Variants in CDIN1 observed in about 807,000 individuals in gnomAD.
CDIN1 encodes CDAN1 interacting nuclease 1.
In CDIN1, 33 loss-of-function variants were observed where a neutral mutation model predicts 45.3. The observed-to-expected ratio is 0.73, with a 90% confidence interval of 0.55 to 0.97. The LOEUF (loss-of-function observed/expected upper bound fraction) is 0.97, where lower values mean the gene tolerates loss of function less well. CDIN1 is among the 50% of genes least tolerant of loss of function. The pLI, the probability that CDIN1 is intolerant of heterozygous loss-of-function variation, is 0.00. For synonymous variants in CDIN1, 118 were observed against 124.4 expected (o/e 0.95, Z 0.34); for missense variants, 303 against 339.4 (o/e 0.89, Z 0.84).
chr15:36,661,362 A>T (rs4924093), intron 5 of CDIN1, among the ~76,000 whole-genome samples: 1 of 151,994 alleles, frequency 6.6e-6, no homozygotes, highest in African/African-American at 2.4e-5. Context: ...CTAGCAGAGG[A>T]TATTACCAAC....
At position 36,590,817 on chromosome 15, in the gene CDIN1, T is replaced by G. The variant is rs139696719; in HGVS notation, c.101+10856T>G. On this transcript the variant is annotated intron_variant, in intron 1 of 10. Transcript: ENST00000566621. ...TTAAGACTATTGAAAATCCCCAAGT[T>G]TGCAGTTAGCACTATATAGGATGGG... 2.6e-3 allele frequency among the ~76,000 whole-genome samples: 392 copies of G among 152,300 alleles called. 3 individuals are homozygous for G. Among genetic ancestry groups the G allele is most frequent in the African/African-American group, 9.1e-3 (379 of 41,566 alleles).
At chr15:36,621,481 C>G (rs1325071296) in intron 1 of CDIN1, among the ~76,000 whole-genome samples, 1 of 152,088 alleles carries the variant, frequency 6.6e-6, no homozygotes, top group Non-Finnish European at 1.5e-5. Flanking sequence ...CAGTTTGAAA[C>G]TATTCATTTC....
intron 10 of CDIN1, among the ~76,000 whole-genome samples, chr15:36,774,075 C>T (rs2054145992): frequency 6.6e-6 from 1 of 151,832 alleles, no homozygotes; most frequent in Admixed American, 6.6e-5. Context: ...TCTCAGGGAC[C>T]TGAGTTTAGG....
At chr15:36,615,027 C>T (rs1467689160) in intron 1 of CDIN1, among the ~76,000 whole-genome samples, 4 of 152,268 alleles carry the variant, frequency 2.6e-5, no homozygotes, top group South Asian at 2.1e-4. Context: ...CTGATTTAGC[C>T]GTGTGAAACT....
intron 3 of CDIN1, among the ~76,000 whole-genome samples, chr15:36,648,082 G>A (rs958538580): frequency 2.0e-5 from 3 of 151,952 alleles, no homozygotes; most frequent in Admixed American, 6.6e-5. Context: ...CTTGTGATCC[G>A]GCCGCCTCGG....
At chr15:36,585,099 G>A (rs1299532882) in intron 1 of CDIN1, among the ~76,000 whole-genome samples, 5 of 152,114 alleles carry the variant, frequency 3.3e-5, no homozygotes, top group African/African-American at 1.2e-4. Context: ...ATAATTTCCT[G>A]CCCAAACACT....
At chr15:36,775,162 C>G (rs957797948) in intron 10 of CDIN1, among the ~76,000 whole-genome samples, 1 of 152,148 alleles carries the variant, frequency 6.6e-6, no homozygotes, top group Non-Finnish European at 1.5e-5. Flanking sequence ...TTTTGTTTTT[C>G]TAGCAAATTC....
Position 36,717,009 on chromosome 15 carries a change from C to T in CDIN1, c.716+7048C>T, listed in dbSNP as rs578182142. Among the ~76,000 whole-genome samples the T allele has an allele frequency of 3.3e-5, 5 of 152,250 alleles. No homozygotes were observed. In the East Asian group the frequency reaches 5.8e-4, roughly 18 times the overall value. ...TTCATGTCTGTCATGGTGGTAAATA[C>T]GTTGGAAGAGGCTACTTTGTCAGTT... On this transcript the variant is annotated intron_variant, in intron 10 of 10. Coordinates refer to ENST00000566621, the MANE Select transcript of CDIN1 (RefSeq NM_001321759.2).
intron 10 of CDIN1, among the ~76,000 whole-genome samples, chr15:36,739,882 T>C (rs2044169657): frequency 6.6e-6 from 1 of 152,238 alleles, no homozygotes; most frequent in African/African-American, 2.4e-5. Flanking sequence ...AAATTAGTAT[T>C]CTGAATGAAA....
At chr15:36,800,909 G>GTGTGTATATATATATATA (rs1156514805) in intron 10 of CDIN1, among the ~76,000 whole-genome samples, 65 of 22,370 alleles carry the variant, frequency 2.9e-3, no homozygotes, top group South Asian at 8.7e-3. Flanking sequence ...GTGTGTGTGT[G>GTGTGTATATATATATATA]TATATATATA....
Position 36,726,801 on chromosome 15 carries a change from C to T in CDIN1, c.716+16840C>T, listed in dbSNP as rs192202637. 4.7e-4 allele frequency among the ~76,000 whole-genome samples: 71 copies of T among 152,174 alleles called. No individual in the cohort carries two copies. In the East Asian group the frequency reaches 0.012, roughly 26 times the overall value. On this transcript the variant is annotated intron_variant, in intron 10 of 10. Coordinates refer to ENST00000566621, the MANE Select transcript of CDIN1 (RefSeq NM_001321759.2). Reference sequence around the variant, plus strand: ...GGTTAAGTCCTGAGTACAGTATAAACTGTAGTAGAGCCCAGTATAAGGCAT... The same window carrying T: ...GGTTAAGTCCTGAGTACAGTATAAATTGTAGTAGAGCCCAGTATAAGGCAT...
intron 10 of CDIN1, among the ~76,000 whole-genome samples, chr15:36,755,399 G>A (rs1180168639): frequency 1.3e-5 from 2 of 151,958 alleles, no homozygotes; most frequent in Non-Finnish European, 2.9e-5. Flanking sequence ...TTCTGAAGTC[G>A]CTCATTGAAT....
chr15:36,583,787 C>A (rs891293077), intron 1 of CDIN1, among the ~76,000 whole-genome samples: 11 of 152,158 alleles, frequency 7.2e-5, no homozygotes, highest in African/African-American at 2.7e-4. Context: ...GAGGCTGAGG[C>A]GGGCAGATCA....
At chr15:36,758,750 A>G (rs142220047) in intron 10 of CDIN1, among the ~76,000 whole-genome samples, 1,718 of 152,300 alleles carry the variant, frequency 0.011, 32 homozygotes, top group African/African-American at 0.039. Flanking sequence ...CAGTACACTT[A>G]TTCATACTAT....
At chr15:36,749,397 G>A (rs1324742840) in intron 10 of CDIN1, among the ~76,000 whole-genome samples, 1 of 152,194 alleles carries the variant, frequency 6.6e-6, no homozygotes, top group Admixed American at 6.5e-5. Flanking sequence ...TTCACCTGCA[G>A]TGCCTTTTGT....
intron 10 of CDIN1, among the ~76,000 whole-genome samples, chr15:36,731,004 G>GT (rs2043814806): frequency 6.6e-6 from 1 of 152,088 alleles, no homozygotes; most frequent in African/African-American, 2.4e-5. Flanking sequence ...GTACTGTAAT[G>GT]TAAGTGTCTG....
intron 10 of CDIN1, among the ~76,000 whole-genome samples, chr15:36,737,267 TCTGA>T (rs1208949574): frequency 6.6e-6 from 1 of 152,198 alleles, no homozygotes; most frequent in Non-Finnish European, 1.5e-5. Context: ...GCCTTTTATA[TCTGA>T]CCTCCCCTTC....
chr15:36,717,026 T>A (rs919902498), intron 10 of CDIN1, among the ~76,000 whole-genome samples: 3 of 152,178 alleles, frequency 2.0e-5, no homozygotes, highest in Non-Finnish European at 4.4e-5. Flanking sequence ...AGAGGCTACT[T>A]TGTCAGTTAA....
chr15:36,611,952 G>T (rs187012983), intron 1 of CDIN1, among the ~76,000 whole-genome samples: 1 of 152,184 alleles, frequency 6.6e-6, no homozygotes, highest in Non-Finnish European at 1.5e-5. Flanking sequence ...ACTTTTAGCC[G>T]TGGTACATTG....
Sources: gnomAD v4.1 joint callset for allele counts (sites outside exome capture counted in the v4.1 genomes callset) on GRCh38, gnomAD v4.1.1 for gene constraint, MANE v1.5 for transcripts, NCBI Gene and HGNC (gene_info 2026-07-23, HGNC 2026-07-21) for gene names.